Variants in ZNF654 observed in about 807,000 individuals in gnomAD.
The protein encoded by ZNF654 is zinc finger protein 654.
ZNF654 carries 19 observed loss-of-function variants against 95.3 expected under a neutral mutation model. That is an observed-to-expected ratio of 0.20 (90% CI 0.14 to 0.29). The LOEUF (loss-of-function observed/expected upper bound fraction) is 0.29. Ranked by LOEUF, ZNF654 falls within the 10% of genes least tolerant of loss-of-function variation. The pLI is 1.00. For synonymous variants in ZNF654, 413 were observed against 457.9 expected, an observed-to-expected ratio of 0.90 and a Z score of 1.25; for missense variants, 1,046 against 1,341.0, an observed-to-expected ratio of 0.78 and a Z score of 3.44.
chr3:88,061,326 A>G (rs1285155298), intron 1 of ZNF654, among the ~76,000 whole-genome samples: 1 of 152,144 alleles, frequency 6.6e-6, no homozygotes, highest in Non-Finnish European at 1.5e-5. Context: ...TAATAGTGAC[A>G]GTACAATATT....
chr3:88,106,180 G>A (rs1704725874), intron 2 of ZNF654, among the ~76,000 whole-genome samples: 1 of 152,178 alleles, frequency 6.6e-6, no homozygotes, highest in African/African-American at 2.4e-5. Context: ...GGACTAAGAT[G>A]TTCTTGAAGC....
At chr3:88,059,573 C>G in intron 1 of ZNF654, 68 bp downstream of exon 1, 1 of 1,442,910 alleles carries the variant, frequency 6.9e-7, no homozygotes, top group Non-Finnish European at 9.0e-7. Context: ...TCCTGGTCTT[C>G]TCGTCCATGA....
intron 1 of ZNF654, among the ~76,000 whole-genome samples, chr3:88,081,103 T>C (rs1335742837): frequency 1.3e-5 from 2 of 152,188 alleles, no homozygotes; most frequent in Non-Finnish European, 2.9e-5. Context: ...TTTTGTAGAA[T>C]ATCCCTCAGT....
In ZNF654 at chr3:88,139,761, G is replaced by A. The variant is rs1707004030; in HGVS notation, c.2092G>A (p.Asp698Asn). The A allele has an allele frequency of 6.4e-7, 1 of 1,554,430 alleles. No homozygotes were observed. Among genetic ancestry groups the A allele is most frequent in the African/African-American group, 1.4e-5 (1 of 73,264 alleles). ...TTTCAAGCCTTTAACTGAATGTGGG[G>A]ATGATTATGAGGAGGAAGAGGATGA... ...NVFKPLTECG[D>N]DYEEEEDEEG... The change falls in exon 8 of 9, where the codon GAT (aspartate) becomes AAT (asparagine). Residue 698 changes from aspartate to asparagine, a missense_variant. Physicochemically the swap from Asp to Asn is conservative, Grantham distance 23. Transcript: ENST00000636215.
intron 1 of ZNF654, 97 bp downstream of exon 1, chr3:88,059,602 G>C: frequency 7.1e-7 from 1 of 1,405,360 alleles, no homozygotes; most frequent in Non-Finnish European, 9.2e-7. Context: ...TATGTCCAGT[G>C]CCCGCTCCTC....
At chr3:88,075,987 C>T (rs1374362941) in intron 1 of ZNF654, among the ~76,000 whole-genome samples, 3 of 152,202 alleles carry the variant, frequency 2.0e-5, no homozygotes, top group African/African-American at 7.2e-5. Context: ...ATTTACTTCC[C>T]TGAGACCTAA....
At position 88,138,854 on chromosome 3, in the gene ZNF654, ACT is replaced by A; in HGVS notation, c.1189_1190del (p.Ser397AsnfsTer15). The A allele has an allele frequency of 8.1e-7, 1 of 1,231,980 alleles. No homozygotes were observed. The highest frequency in any genetic ancestry group is 1.0e-6 in the Non-Finnish European group (1 of 987,908). The allele number at this position is 1,231,980 out of a possible 1,614,324, so 76.3% of individuals were successfully genotyped here. ...NDLEILRICA[L>X]SIFFLERSLE... ...ATTTGGAGATCCTCAGGATTTGTGCACTCTCAATATTTTTTCTGGAGCGCTCC... is the reference window on the plus strand; with the variant it reads ...ATTTGGAGATCCTCAGGATTTGTGCACTCAATATTTTTTCTGGAGCGCTCC... On this transcript the variant is annotated frameshift_variant, in exon 8 of 9. Transcript: ENST00000636215. LOFTEE classifies it high-confidence loss of function.
In ZNF654 at chr3:88,140,387, A is replaced by C; in HGVS notation, c.2718A>C (p.Gln906His). The C allele has an allele frequency of 6.2e-7, 1 of 1,613,228 alleles. No individual in the cohort carries two copies. ...AAGACTCATCTAGTAATGAGAAACA[A>C]ACTATTAGTCTGCCAGTTTCTACTA... ...QEKDSSSNEKQTISLPVSTSK... is the reference protein window; with the variant it reads ...QEKDSSSNEKHTISLPVSTSK... The change falls in exon 8 of 9, where the codon CAA becomes CAC. Residue 906 changes from glutamine (Q) to histidine (H), a missense_variant. Physicochemically the swap from Gln to His is conservative, Grantham distance 24 (BLOSUM62 0). Coordinates refer to ENST00000636215, the MANE Select transcript of ZNF654 (RefSeq NM_001350134.2).
chr3:88,083,255 T>TACA (rs1708174147), intron 1 of ZNF654, among the ~76,000 whole-genome samples: 1 of 152,202 alleles, frequency 6.6e-6, no homozygotes. Flanking sequence ...GATGATATAT[T>TACA]TTAGTGTTCC....
intron 2 of ZNF654, chr3:88,095,755 T>C (rs1421807221): frequency 1.0e-5 from 4 of 397,496 alleles, no homozygotes; most frequent in Non-Finnish European, 1.9e-5. Flanking sequence ...TAACCCTCCT[T>C]CATCATCTTA....
chr3:88,085,676 T>C (rs1708302436), intron 1 of ZNF654, among the ~76,000 whole-genome samples: 1 of 152,154 alleles, frequency 6.6e-6, no homozygotes, highest in Non-Finnish European at 1.5e-5. Context: ...ACTAATGCAT[T>C]GAGAAGGAAG....
chr3:88,101,294 A>T (rs575931464), intron 2 of ZNF654, among the ~76,000 whole-genome samples: 100 of 152,296 alleles, frequency 6.6e-4, no homozygotes, highest in African/African-American at 2.3e-3. Context: ...GTGCCTACCC[A>T]GCTCAAGGCA....
Position 88,116,132 on chromosome 3 carries a change from A to G in ZNF654, c.414+2936A>G, listed in dbSNP as rs565646399. Among the ~76,000 whole-genome samples the G allele has an allele frequency of 6.6e-5, 10 of 152,242 alleles. 1 individual carries two copies. In the East Asian group the frequency reaches 1.9e-3, roughly 29 times the overall value. On this transcript the variant is annotated intron_variant, in intron 3 of 8. Transcript: ENST00000636215. ...GTGGTAGGGATTTGGGGTGTGGTCA[A>G]TCTCATTCTTGTTGCTGCTTCTCAG...
chr3:88,067,996 A>G (rs1707298075), intron 1 of ZNF654, among the ~76,000 whole-genome samples: 1 of 152,100 alleles, frequency 6.6e-6, no homozygotes. Flanking sequence ...TATCTATATT[A>G]TAAGACCCCT....
chr3:88,132,726 C>T (rs1706538896), intron 6 of ZNF654, among the ~76,000 whole-genome samples: 1 of 152,150 alleles, frequency 6.6e-6, no homozygotes. Context: ...AGACACTTCA[C>T]CTAGGTGTTT....
intron 2 of ZNF654, among the ~76,000 whole-genome samples, 168 bp downstream of exon 2, chr3:88,086,570 TA>T (rs1422456209): frequency 1.3e-5 from 2 of 152,334 alleles, no homozygotes; most frequent in African/African-American, 4.8e-5. Context: ...CATGTAACCA[TA>T]ATTTTACTTT....
At chr3:88,110,786 G>A (rs907620333) in intron 2 of ZNF654, among the ~76,000 whole-genome samples, 4 of 152,192 alleles carry the variant, frequency 2.6e-5, no homozygotes, top group South Asian at 2.1e-4. Context: ...CTAATTCTAC[G>A]TGTATTTCAG....
intron 3 of ZNF654, among the ~76,000 whole-genome samples, chr3:88,117,930 T>G (rs1345291545): frequency 8.2e-6 from 1 of 122,390 alleles, no homozygotes; most frequent in African/African-American, 2.8e-5. Flanking sequence ...CCAGTACTAT[T>G]GCCCAATAGA....
At chr3:88,070,979 A>T (rs1003593328) in intron 1 of ZNF654, among the ~76,000 whole-genome samples, 1 of 152,098 alleles carries the variant, frequency 6.6e-6, no homozygotes, top group African/African-American at 2.4e-5. Flanking sequence ...AAACATAATC[A>T]AGCTGAGGGA....
Sources: allele counts gnomAD v4.1 joint callset (sites outside exome capture counted in the v4.1 genomes callset), GRCh38; gene constraint gnomAD v4.1.1; transcripts MANE v1.5; gene names NCBI Gene and HGNC (gene_info 2026-07-23, HGNC 2026-07-21).